The following PRKCZ variants were observed in gnomAD, a reference collection of about 807,000 sequenced individuals.
PRKCZ encodes protein kinase C zeta type.
In PRKCZ, 33 loss-of-function variants were observed where a neutral mutation model predicts 79.5. That is an observed-to-expected ratio of 0.41 (90% CI 0.31 to 0.55). PRKCZ has a LOEUF of 0.55. PRKCZ is among the 20% of genes least tolerant of loss of function. PRKCZ has a pLI of 0.19. For missense variants in PRKCZ, 578 were observed against 813.5 expected (o/e 0.71, Z 3.52); for synonymous variants, 342 against 320.9 (o/e 1.07, Z -0.70).
intron 4 of PRKCZ, among the ~76,000 whole-genome samples, chr1:2,102,499 A>AT (rs1195964322): frequency 1.6e-4 from 24 of 151,290 alleles, no homozygotes; most frequent in Non-Finnish European, 2.8e-4. Flanking sequence ...CGTCCCGCTA[A>AT]TTTTTTGTAT....
At chr1:2,124,382 G>T (rs1466899879) in intron 4 of PRKCZ, among the ~76,000 whole-genome samples, 1 of 115,588 alleles carries the variant, frequency 8.7e-6, no homozygotes, top group Admixed American at 8.9e-5. Flanking sequence ...GGCGGTTAGG[G>T]TCACGGCGGT....
intron 4 of PRKCZ, among the ~76,000 whole-genome samples, chr1:2,131,711 G>T (rs546446291): frequency 6.6e-6 from 1 of 152,236 alleles, no homozygotes; most frequent in Non-Finnish European, 1.5e-5. Flanking sequence ...GTCCCCCGCC[G>T]CTGCTAGCCT....
Position 2,172,083 on chromosome 1 carries a change from C to T in PRKCZ, c.1090C>T (p.Leu364Phe). 6.2e-7 allele frequency: 1 copy of T among 1,612,886 alleles called. No homozygotes were observed. Among genetic ancestry groups the T allele is most frequent in the African/African-American group, 1.3e-5 (1 of 75,064 alleles). The change falls in exon 12 of 18, where the codon CTC becomes TTC. Residue 364 changes from leucine to phenylalanine, a missense_variant. By Grantham distance (22) the Leu-to-Phe change is conservative (BLOSUM62 0). Around this residue, in one of 4 missense-constraint regions of PRKCZ, gnomAD observed 243 missense variants for 467.0 expected, o/e 0.52. Coordinates refer to ENST00000378567, the MANE Select transcript of PRKCZ (RefSeq NM_002744.6). The surrounding 1 kb of genome is among the most constrained non-coding windows in gnomAD (Gnocchi z 7.8). ...RFYAAEICIA[L>F]NFLHERGIIY... is the part of the protein sequence containing the mutation. Reference sequence around the variant, plus strand: ...CTACGCGGCCGAGATCTGCATCGCCCTCAACTTCCTGCACGAGAGGGGGAT... The same window carrying T: ...CTACGCGGCCGAGATCTGCATCGCCTTCAACTTCCTGCACGAGAGGGGGAT...
chr1:2,126,783 G>A (rs909744407), intron 4 of PRKCZ, among the ~76,000 whole-genome samples: 38 of 152,200 alleles, frequency 2.5e-4, no homozygotes, highest in Non-Finnish European at 4.0e-4. Flanking sequence ...TTGCCTTCCC[G>A]AGGGCCGCGG....
intron 4 of PRKCZ, chr1:2,116,197 T>TC (rs1369672479): frequency 1.3e-5 from 2 of 152,258 alleles, no homozygotes; most frequent in Non-Finnish European, 1.5e-5. Context: ...TCACTCTGGG[T>TC]CGTGTGGGAA....
At chr1:2,112,186 C>T (rs1465716962) in intron 4 of PRKCZ, among the ~76,000 whole-genome samples, 2 of 152,088 alleles carry the variant, frequency 1.3e-5, no homozygotes, top group Admixed American at 1.3e-4. Context: ...AGGAGTCTGC[C>T]TAGAAGGCAA....
chr1:2,164,153 C>T (rs1682877492), intron 10 of PRKCZ, among the ~76,000 whole-genome samples: 1 of 152,140 alleles, frequency 6.6e-6, no homozygotes, highest in East Asian at 1.9e-4. Context: ...GGTTGATATT[C>T]ATATTGTTTT....
intron 4 of PRKCZ, among the ~76,000 whole-genome samples, chr1:2,099,514 G>A (rs1667096539): frequency 6.6e-6 from 1 of 152,100 alleles, no homozygotes; most frequent in African/African-American, 2.4e-5. Context: ...AGTGGGCGGG[G>A]CGGGGTGGGG....
At chr1:2,139,857 G>T (rs904613005) in intron 5 of PRKCZ, among the ~76,000 whole-genome samples, 2 of 152,230 alleles carry the variant, frequency 1.3e-5, no homozygotes, top group Non-Finnish European at 2.9e-5. Flanking sequence ...TCCCTTTGCT[G>T]TGAACAACCC....
rs1436847187 is a variant in PRKCZ at position 2,144,349 on chromosome 1, G to T, written c.552+8G>T. The T allele has an allele frequency of 3.2e-6, 5 of 1,566,946 alleles. No individual in the cohort carries two copies. The highest frequency in any genetic ancestry group is 4.3e-6 in the Non-Finnish European group (5 of 1,155,410). ...ACCTGCAGGAAGCATATGGTGAGTGGCAGGGCTGGGGAGGCCCGGGGGGCA... is the reference window on the plus strand; with the variant it reads ...ACCTGCAGGAAGCATATGGTGAGTGTCAGGGCTGGGGAGGCCCGGGGGGCA... On this transcript the variant is annotated splice_region_variant and intron_variant, in intron 6 of 17. Transcript: ENST00000378567.
intron 5 of PRKCZ, chr1:2,141,521 C>G (rs1358523894): frequency 6.6e-6 from 1 of 152,116 alleles, no homozygotes; most frequent in Admixed American, 6.6e-5. Context: ...AATTTTTGTA[C>G]TTTTAGTGGA....
intron 4 of PRKCZ, chr1:2,074,423 T>C: frequency 8.6e-7 from 1 of 1,165,910 alleles, no homozygotes; most frequent in Non-Finnish European, 1.2e-6. Context: ...CGATGCTTTT[T>C]GGTTGTGGGT....
rs1368857967 is a variant in PRKCZ, at chr1:2,168,042, G to A, written c.975-1476G>A. Among the ~76,000 whole-genome samples, 2 of 152,140 alleles carry A rather than the reference G, an allele frequency of 1.3e-5. No individual in the cohort carries two copies. The highest frequency in any genetic ancestry group is 2.4e-5 in the African/African-American group (1 of 41,416). On this transcript the variant is annotated intron_variant, in intron 10 of 17. Coordinates refer to ENST00000378567, the MANE Select transcript of PRKCZ (RefSeq NM_002744.6). The surrounding 1 kb of genome is among the most constrained non-coding windows in gnomAD (Gnocchi z 4.7). ...GACGTTACTGAACGAGTCCCTCCAC[G>A]GGTGCACTGAGGACGTTCCTGCACA...
At chr1:2,085,947 T>C (rs1664448700) in intron 4 of PRKCZ, among the ~76,000 whole-genome samples, 1 of 152,306 alleles carries the variant, frequency 6.6e-6, no homozygotes, top group South Asian at 2.1e-4. Context: ...CTGTCTGGGT[T>C]GGCATCATCC....
intron 11 of PRKCZ, among the ~76,000 whole-genome samples, chr1:2,171,212 G>A (rs1438383129): frequency 6.6e-6 from 1 of 151,486 alleles, no homozygotes; most frequent in East Asian, 2.0e-4. Context: ...GTGTGGTGGC[G>A]GGCGCCTGTA....
intron 7 of PRKCZ, among the ~76,000 whole-genome samples, chr1:2,147,636 C>T (rs1678891254): frequency 2.0e-5 from 3 of 150,082 alleles, no homozygotes; most frequent in Non-Finnish European, 1.5e-5. Flanking sequence ...CTGACCTCTC[C>T]ATCTATCCAT....
chr1:2,100,966 C>T (rs1667338890), intron 4 of PRKCZ, among the ~76,000 whole-genome samples: 1 of 150,838 alleles, frequency 6.6e-6, no homozygotes, highest in Non-Finnish European at 1.5e-5. Context: ...ATCTTTCGTC[C>T]TGTGTCTGAC....
chr1:2,092,049 T>G (rs1665605978), intron 4 of PRKCZ, among the ~76,000 whole-genome samples: 1 of 152,188 alleles, frequency 6.6e-6, no homozygotes, highest in Non-Finnish European at 1.5e-5. Context: ...TGGACGAATC[T>G]GTCCTTGCTG....
chr1:2,135,417 G>T, intron 5 of PRKCZ, 70 bp downstream of exon 5: 1 of 1,397,438 alleles, frequency 7.2e-7, no homozygotes, highest in Non-Finnish European at 9.8e-7. Flanking sequence ...GAGAGAGGAG[G>T]GGAGGCACGT....
Sources: allele counts gnomAD v4.1 joint callset (sites outside exome capture counted in the v4.1 genomes callset), GRCh38; gene constraint gnomAD v4.1.1; regional missense constraint gnomAD v4.1.1; non-coding constraint Gnocchi (gnomAD v3.1); transcripts MANE v1.5; gene names NCBI Gene and HGNC (gene_info 2026-07-23, HGNC 2026-07-21).